The following SPOCK1 variants were observed in gnomAD, a reference collection of about 807,000 sequenced individuals.
SPOCK1 encodes SPARC (osteonectin), cwcv and kazal like domains proteoglycan 1, also known as testican-1.
In SPOCK1, 23 loss-of-function variants were observed where a neutral mutation model predicts 55.3. The observed-to-expected ratio is 0.42, with a 90% confidence interval of 0.30 to 0.59. The LOEUF (loss-of-function observed/expected upper bound fraction) is 0.59. Ranked by LOEUF, SPOCK1 falls within the 20% of genes least tolerant of loss-of-function variation. SPOCK1 has a pLI of 0.22. For synonymous variants in SPOCK1, 226 were observed against 221.0 expected (o/e 1.02, Z -0.20); for missense variants, 499 against 552.5 (o/e 0.90, Z 0.97).
At chr5:137,101,887 C>A (rs1490773715) in intron 5 of SPOCK1, among the ~76,000 whole-genome samples, 1 of 152,190 alleles carries the variant, frequency 6.6e-6, no homozygotes, top group East Asian at 1.9e-4. Context: ...TAAAATGACA[C>A]TAGATCACAT....
chr5:137,176,077 T>C (rs1021364437), intron 3 of SPOCK1, among the ~76,000 whole-genome samples: 12 of 152,108 alleles, frequency 7.9e-5, no homozygotes, highest in African/African-American at 1.2e-4. Context: ...CAATATAAAC[T>C]TTTACTTTAT....
At chr5:136,983,060 G>A (rs2126958729) in intron 9 of SPOCK1, among the ~76,000 whole-genome samples, 1 of 152,222 alleles carries the variant, frequency 6.6e-6, no homozygotes, top group South Asian at 2.1e-4. Context: ...ATCTTCTATG[G>A]AAGAATTCTT....
chr5:137,485,143 T>C (rs1754029593), intron 2 of SPOCK1, among the ~76,000 whole-genome samples: 2 of 152,240 alleles, frequency 1.3e-5, no homozygotes, highest in South Asian at 4.1e-4. Flanking sequence ...ATCTATTTCT[T>C]CAAATTCGGA....
At chr5:137,271,354 G>A (rs200659478) in intron 2 of SPOCK1, among the ~76,000 whole-genome samples, 12 of 148,844 alleles carry the variant, frequency 8.1e-5, no homozygotes, top group Non-Finnish European at 1.2e-4. Context: ...AAGAAAATAT[G>A]TTTTACATAT....
At chr5:137,234,850 G>A (rs1256075463) in intron 3 of SPOCK1, among the ~76,000 whole-genome samples, 1 of 152,190 alleles carries the variant, frequency 6.6e-6, no homozygotes, top group Non-Finnish European at 1.5e-5. Context: ...TGTTTCTTAG[G>A]TTTGACAAGT....
rs554145826 is a variant in SPOCK1, at chr5:137,237,691, C to G, written c.232+29319G>C. On this transcript the variant is annotated intron_variant, in intron 3 of 10. Coordinates refer to ENST00000394945, the MANE Select transcript of SPOCK1 (RefSeq NM_004598.4). ...GTGTTAATAACTCCTACAATTCAGA[C>G]AGCAGAAGGGAAGAAGAGGATGCAG... Among the ~76,000 whole-genome samples the G allele has an allele frequency of 1.1e-4, 17 of 152,354 alleles. No individual in the cohort carries two copies. The South Asian group carries it at 1.5e-3, about 13-fold the overall frequency.
At chr5:137,303,929 G>C (rs549946690) in intron 2 of SPOCK1, among the ~76,000 whole-genome samples, 2 of 152,144 alleles carry the variant, frequency 1.3e-5, no homozygotes, top group African/African-American at 2.4e-5. Flanking sequence ...GCCAGGAACC[G>C]GTTTGGAAAG....
chr5:137,061,795 G>C (rs1313635527), intron 6 of SPOCK1, among the ~76,000 whole-genome samples: 1 of 152,216 alleles, frequency 6.6e-6, no homozygotes, highest in African/African-American at 2.4e-5. Flanking sequence ...AAACCTTGCT[G>C]GTTTGGGAGT....
intron 2 of SPOCK1, among the ~76,000 whole-genome samples, chr5:137,483,854 C>A (rs1299272723): frequency 6.6e-6 from 1 of 152,202 alleles, no homozygotes; most frequent in African/African-American, 2.4e-5. Flanking sequence ...AAAGAGCTGA[C>A]ACAGACCAAG....
At chr5:137,100,795 C>A (rs1753246329) in intron 5 of SPOCK1, among the ~76,000 whole-genome samples, 1 of 152,038 alleles carries the variant, frequency 6.6e-6, no homozygotes, top group South Asian at 2.1e-4. Context: ...AGAAGGACAC[C>A]CTTGTTCAGA....
intron 2 of SPOCK1, among the ~76,000 whole-genome samples, chr5:137,311,997 G>A (rs1358750298): frequency 6.6e-6 from 1 of 152,176 alleles, no homozygotes; most frequent in Non-Finnish European, 1.5e-5. Flanking sequence ...ACAAAAGTTA[G>A]TCTTCCATTT....
chr5:137,143,654 T>G (rs931989584), intron 3 of SPOCK1, among the ~76,000 whole-genome samples: 1 of 152,176 alleles, frequency 6.6e-6, no homozygotes, highest in Non-Finnish European at 1.5e-5. Flanking sequence ...TCATATGTGT[T>G]TATTAAGTTT....
chr5:137,334,284 A>C (rs973384609), intron 2 of SPOCK1, among the ~76,000 whole-genome samples: 1 of 152,210 alleles, frequency 6.6e-6, no homozygotes, highest in African/African-American at 2.4e-5. Context: ...ACTTTTCGAA[A>C]GCTTTCCTCT....
intron 2 of SPOCK1, among the ~76,000 whole-genome samples, chr5:137,436,803 A>C (rs544001946): frequency 6.6e-6 from 1 of 152,150 alleles, no homozygotes; most frequent in Non-Finnish European, 1.5e-5. Flanking sequence ...TTTTCCTCAT[A>C]AGGATTCTGT....
chr5:137,130,728 T>C (rs1453328429), intron 4 of SPOCK1, among the ~76,000 whole-genome samples: 1 of 152,236 alleles, frequency 6.6e-6, no homozygotes, highest in Non-Finnish European at 1.5e-5. Flanking sequence ...TGCAGTTCAC[T>C]GGGAAGCATG....
At chr5:137,212,998 T>A (rs1755647174) in intron 3 of SPOCK1, among the ~76,000 whole-genome samples, 1 of 151,824 alleles carries the variant, frequency 6.6e-6, no homozygotes, top group Non-Finnish European at 1.5e-5. Context: ...AGGCCATGAG[T>A]CTTGGTTTCA....
chr5:137,414,074 A>G (rs1403369813), intron 2 of SPOCK1, among the ~76,000 whole-genome samples: 6 of 152,232 alleles, frequency 3.9e-5, no homozygotes, highest in Non-Finnish European at 8.8e-5. Context: ...CCAAATGGAA[A>G]CAAAACACAC....
chr5:137,488,757 A>G (rs140175207), intron 2 of SPOCK1, among the ~76,000 whole-genome samples: 2 of 152,276 alleles, frequency 1.3e-5, no homozygotes, highest in African/African-American at 4.8e-5. Flanking sequence ...CCCTGCTCCA[A>G]TCACAGGCGC....
At chr5:137,070,270 T>C (rs1300446893) in intron 5 of SPOCK1, among the ~76,000 whole-genome samples, 1 of 152,226 alleles carries the variant, frequency 6.6e-6, no homozygotes, top group Admixed American at 6.5e-5. Context: ...TAACGCACAA[T>C]GTGAACACGG....
Sources: allele counts gnomAD v4.1 joint callset (sites outside exome capture counted in the v4.1 genomes callset), GRCh38; gene constraint gnomAD v4.1.1; transcripts MANE v1.5; gene names NCBI Gene and HGNC (gene_info 2026-07-23, HGNC 2026-07-21).